The following TRPM1 variants were observed in gnomAD, a reference collection of about 807,000 sequenced individuals.
TRPM1 encodes the protein transient receptor potential cation channel subfamily M member 1.
TRPM1 carries 113 observed loss-of-function variants against 149.4 expected under a neutral mutation model. The observed-to-expected ratio is 0.76, with a 90% CI of 0.65 to 0.88. The LOEUF (loss-of-function observed/expected upper bound fraction) is 0.88, where lower values mean the gene tolerates loss of function less well. Among genes scored for constraint, TRPM1 ranks in the 40% least tolerant of loss-of-function variants. The pLI, the probability that TRPM1 is intolerant of heterozygous loss-of-function variation, is 0.00. For missense variants in TRPM1, 1,976 were observed against 2,038.7 expected (o/e 0.97, Z 0.59); for synonymous variants, 741 against 759.5 (o/e 0.98, Z 0.40).
chr15:31,160,655 T>C (rs1443542063), intron 1 of TRPM1, among the ~76,000 whole-genome samples: 1 of 152,192 alleles, frequency 6.6e-6, no homozygotes, highest in Non-Finnish European at 1.5e-5. Flanking sequence ...CCTCCCGGGT[T>C]TGCCACAGCC....
chr15:31,152,023 G>A (rs531742866), intron 1 of TRPM1, among the ~76,000 whole-genome samples: 75 of 152,304 alleles, frequency 4.9e-4, no homozygotes, highest in African/African-American at 1.7e-3. Context: ...TCTAGAGAGG[G>A]GGCTGGACAT....
rs200652294 is a variant in TRPM1 at position 31,145,929 on chromosome 15, AC to A, written c.54+14976del. Among the ~76,000 whole-genome samples the A allele has an allele frequency of 8.5e-3, 1,281 of 151,494 alleles. 15 individuals carry two copies. Among genetic ancestry groups the A allele is most frequent in the African/African-American group, 0.022 (891 of 41,212 alleles). On this transcript the variant is annotated intron_variant, in intron 1 of 26. Coordinates refer to the TRPM1 transcript ENST00000542188. ...TAACGATAGCAGATACAAAAAAAAAACAAAAACAAAAACGCAAAAAACATCT... is the reference window on the plus strand; with the variant it reads ...TAACGATAGCAGATACAAAAAAAAAAAAAAACAAAAACGCAAAAAACATCT...
intron 1 of TRPM1, among the ~76,000 whole-genome samples, chr15:31,111,923 A>G (rs2035695203): frequency 6.6e-6 from 1 of 152,202 alleles, no homozygotes; most frequent in Admixed American, 6.5e-5. Context: ...GGCTGTACCT[A>G]GTAAATCGCA....
At chr15:31,033,715 G>A (rs145683304) in intron 21 of TRPM1, among the ~76,000 whole-genome samples, 102 of 152,210 alleles carry the variant, frequency 6.7e-4, no homozygotes, top group African/African-American at 2.4e-3. Context: ...ACTAGCCGAT[G>A]GCCACCCTCT....
intron 1 of TRPM1, among the ~76,000 whole-genome samples, chr15:31,110,826 TCTC>T (rs748584136): frequency 2.4e-4 from 37 of 152,208 alleles, no homozygotes; most frequent in Non-Finnish European, 4.9e-4. Flanking sequence ...TTCATTTTTT[TCTC>T]CTTTCTGTTT....
chr15:31,050,509 G>A lies in TRPM1; in HGVS notation c.1337C>T (p.Thr446Ile), dbSNP rs1193842726. ...EKEKKPPMAT[T>I]KGGRGKGKGK... Reference sequence around the variant, plus strand: ...TTTCCCTTTTCCTCTTCCTCCCTTGGTGGTGGCCATGGGTGGCTTCTTCTC... The same window carrying A: ...TTTCCCTTTTCCTCTTCCTCCCTTGATGGTGGCCATGGGTGGCTTCTTCTC... The change falls in exon 12 of 28, where the codon ACC becomes ATC. Residue 446 changes from threonine to isoleucine, a missense_variant. This residue lies in a region of TRPM1 where 1,332 missense variants were observed against 1,347.1 expected (regional missense o/e 0.99). Coordinates refer to ENST00000256552, the MANE Select transcript of TRPM1 (RefSeq NM_001252024.2). 5.6e-6 allele frequency: 9 copies of A among 1,613,568 alleles called. No individual in the cohort carries two copies. The highest frequency in any genetic ancestry group is 7.6e-6 in the Non-Finnish European group (9 of 1,179,978).
intron 11 of TRPM1, among the ~76,000 whole-genome samples, chr15:31,056,263 T>C (rs1271984645): frequency 6.6e-6 from 1 of 152,090 alleles, no homozygotes; most frequent in African/African-American, 2.4e-5. Context: ...AAAGAAGAGA[T>C]AGAAGAAAAT....
At chr15:31,088,945 G>T (rs968744264) in intron 1 of TRPM1, among the ~76,000 whole-genome samples, 12 of 152,140 alleles carry the variant, frequency 7.9e-5, no homozygotes, top group African/African-American at 2.7e-4. Context: ...AGCTGCTGGC[G>T]CCTCTGTGAG....
chr15:31,042,382 C>T lies in TRPM1; in HGVS notation c.1795-139G>A, dbSNP rs2033647873. On this transcript the variant is annotated intron_variant, in intron 16 of 27. Transcript: ENST00000256552. ...AAGTACATCTTACATTTCCACTCCGCATATGAATTCTTTTGAAAAGATGCA... is the reference window on the plus strand; with the variant it reads ...AAGTACATCTTACATTTCCACTCCGTATATGAATTCTTTTGAAAAGATGCA... 3 of 856,740 alleles carry T rather than the reference C, an allele frequency of 3.5e-6. No homozygotes were observed. The South Asian group carries it at 4.8e-5, about 14-fold the overall frequency. The allele number at this position is 856,740 out of a possible 1,614,324, so 53.1% of individuals were successfully genotyped here. A position where few individuals can be genotyped will look rare whatever the true frequency, so the allele number is the denominator to read the frequency against.
At chr15:31,103,074 C>A (rs529915451), upstream of TRPM1, among the ~76,000 whole-genome samples, 1 of 152,338 alleles carries the variant, frequency 6.6e-6, no homozygotes, top group Non-Finnish European at 1.5e-5. Flanking sequence ...GGGAAGTGAG[C>A]TGATGGCCGG....
At chr15:31,104,686 C>T (rs993203851), upstream of TRPM1, among the ~76,000 whole-genome samples, 4 of 149,674 alleles carry the variant, frequency 2.7e-5, no homozygotes, top group African/African-American at 9.9e-5. Context: ...CTCCGCCTCC[C>T]AGGTTCACAC....
chr15:31,076,806 C>A, intron 3 of TRPM1, 99 bp downstream of exon 3: 1 of 952,858 alleles, frequency 1.0e-6, no homozygotes, highest in Non-Finnish European at 1.7e-6. Context: ...TGGATTCTGG[C>A]CACCCTTCTG....
At chr15:31,015,335 C>G (rs1344251976) in intron 27 of TRPM1, among the ~76,000 whole-genome samples, 1 of 151,874 alleles carries the variant, frequency 6.6e-6, no homozygotes, top group Non-Finnish European at 1.5e-5. Flanking sequence ...TTGCTTGAAC[C>G]TGGGAGGCGG....
intron 1 of TRPM1, among the ~76,000 whole-genome samples, chr15:31,152,935 A>T (rs2036323162): frequency 6.6e-6 from 1 of 152,188 alleles, no homozygotes; most frequent in South Asian, 2.1e-4. Flanking sequence ...GAGCCACTGC[A>T]CCCAGCCTAA....
rs926169145 is a variant in TRPM1, at chr15:31,061,293, T to C, written c.1162+149A>G. The C allele has an allele frequency of 1.2e-5, 9 of 757,176 alleles. No individual in the cohort carries two copies. In the African/African-American group the frequency reaches 1.6e-4, roughly 13 times the overall value. The allele number at this position is 757,176 out of a possible 1,614,324, so 46.9% of individuals were successfully genotyped here. A position where few individuals can be genotyped will look rare whatever the true frequency, so the allele number is the denominator to read the frequency against. ...ACAGAAACAGCGAGCCTTGTCATTC[T>C]GCCGTGGCTTCATGCTGAGACTGCT... On this transcript the variant is annotated intron_variant, in intron 10 of 27. Transcript: ENST00000256552.
chr15:31,062,784 T>G, intron 8 of TRPM1, 82 bp from the exon 9 acceptor site: 1 of 1,495,670 alleles, frequency 6.7e-7, no homozygotes, highest in Non-Finnish European at 9.2e-7. Context: ...CTGTCTTTGA[T>G]TTGAGACTTT....
intron 27 of TRPM1, 46 bp downstream of exon 27, chr15:31,026,093 A>G: frequency 6.2e-7 from 1 of 1,606,768 alleles, no homozygotes; most frequent in Admixed American, 1.7e-5. Context: ...CGCCCGAGTC[A>G]GCAAACCCTT....
chr15:31,030,757 C>T (rs944602750), intron 23 of TRPM1, among the ~76,000 whole-genome samples: 10 of 152,142 alleles, frequency 6.6e-5, no homozygotes, highest in African/African-American at 2.4e-4. Context: ...TCAGGTCCAG[C>T]TCAAGGGAAT....
At chr15:31,101,327 T>C (rs1271287943) in intron 1 of TRPM1, among the ~76,000 whole-genome samples, 2 of 152,152 alleles carry the variant, frequency 1.3e-5, no homozygotes, top group East Asian at 3.9e-4. Context: ...AGAGTACTTA[T>C]CCCCTCTGTG....
Sources: gnomAD v4.1 joint callset for allele counts (sites outside exome capture counted in the v4.1 genomes callset) on GRCh38, gnomAD v4.1.1 for gene constraint, gnomAD v4.1.1 regional missense constraint, MANE v1.5 for transcripts, NCBI Gene and HGNC (gene_info 2026-07-23, HGNC 2026-07-21) for gene names.